CCNJL: variants seen among roughly 807,000 people sequenced by gnomAD.
CCNJL encodes the protein cyclin J like.
Under a neutral mutation model 33.4 loss-of-function variants are expected in CCNJL, and 33 were observed. The observed-to-expected ratio is 0.99, with a 90% CI of 0.75 to 1.32. The LOEUF (loss-of-function observed/expected upper bound fraction) is 1.32, where lower values mean the gene tolerates loss of function less well. CCNJL is among the 40% of genes most tolerant of loss of function. CCNJL has a pLI of 0.00. For missense variants in CCNJL, 512 were observed against 499.7 expected (o/e 1.02, Z -0.23); for synonymous variants, 227 against 220.9 (o/e 1.03, Z -0.24).
chr5:160,334,823 T>C (rs1046780736), intron 1 of CCNJL, among the ~76,000 whole-genome samples: 5 of 152,234 alleles, frequency 3.3e-5, no homozygotes, highest in African/African-American at 4.8e-5. Flanking sequence ...TTCTCTGGGC[T>C]TCCAAATCCA....
chr5:160,326,190 C>T (rs1210010076), intron 1 of CCNJL, among the ~76,000 whole-genome samples: 5 of 152,070 alleles, frequency 3.3e-5, no homozygotes, highest in Admixed American at 1.3e-4. Context: ...GCCATTATGC[C>T]GGGTGGGGTG....
Position 160,253,641 on chromosome 5 carries a change from G to C in CCNJL, c.901C>G (p.Pro301Ala), listed in dbSNP as rs1300840264. Residue 301 changes from proline to alanine, a missense_variant, in exon 6 of 6, where the codon CCC becomes GCC. Transcript: ENST00000257536. Reference protein sequence around the residue: ...PATTLAQFQTPVQDLCLAYRD... With the variant: ...PATTLAQFQTAVQDLCLAYRD... ...TAGGCCAAGCATAGGTCCTGCACGG[G>C]GGTCTGGAACTGTGCCAGGGTGGTC... is the stretch of plus-strand genomic sequence containing the variant. The C allele has an allele frequency of 6.2e-7, 1 of 1,612,810 alleles. No homozygotes were observed. Among genetic ancestry groups the C allele is most frequent in the Admixed American group, 1.7e-5 (1 of 59,942 alleles).
intron 1 of CCNJL, among the ~76,000 whole-genome samples, chr5:160,327,256 T>A (rs1049104793): frequency 6.6e-6 from 1 of 152,234 alleles, no homozygotes; most frequent in Non-Finnish European, 1.5e-5. Context: ...TACCCTTGGA[T>A]TGATGAAAGG....
chr5:160,271,023 C>T (rs1378798484), intron 3 of CCNJL, among the ~76,000 whole-genome samples: 1 of 152,180 alleles, frequency 6.6e-6, no homozygotes, highest in East Asian at 1.9e-4. Flanking sequence ...CACCACAATG[C>T]TTGTAATTAA....
chr5:160,284,255 G>C (rs1489738442), intron 2 of CCNJL, among the ~76,000 whole-genome samples: 1 of 152,074 alleles, frequency 6.6e-6, no homozygotes, highest in Non-Finnish European at 1.5e-5. Flanking sequence ...AGGAGGCTGA[G>C]GTGCAAGGAT....
intron 3 of CCNJL, among the ~76,000 whole-genome samples, chr5:160,262,174 A>C (rs1260667748): frequency 6.6e-6 from 1 of 152,204 alleles, no homozygotes; most frequent in Admixed American, 6.5e-5. Context: ...CCAGAGCAGG[A>C]GGTGGCGAGG....
rs191747315 is a variant in CCNJL at position 160,296,077 on chromosome 5, T to C, written c.67-15339A>G. 1.3e-3 allele frequency among the ~76,000 whole-genome samples: 201 copies of C among 152,316 alleles called. No homozygotes were observed. In the Middle Eastern group the frequency reaches 0.027, roughly 21 times the overall value. ...ATCCTGTAGGCAGTGGCTAGCACAG[T>C]GTGTAGCATGCAGTTGGCTGCTAAA... On this transcript the variant is annotated intron_variant, in intron 2 of 5. Coordinates refer to ENST00000257536, the MANE Select transcript of CCNJL (RefSeq NM_001308173.3).
chr5:160,282,974 T>TATATATATATATAC (rs1762269204), intron 2 of CCNJL, among the ~76,000 whole-genome samples: 1 of 45,954 alleles, frequency 2.2e-5, no homozygotes, highest in African/African-American at 1.6e-4. Context: ...GGAATATATA[T>TATATATATATATAC]ATATATATAT....
intron 1 of CCNJL, among the ~76,000 whole-genome samples, chr5:160,338,871 C>T (rs1028479903): frequency 2.6e-5 from 4 of 151,916 alleles, no homozygotes; most frequent in African/African-American, 9.7e-5. Context: ...AGCTCATTGC[C>T]ACTTCTACCT....
chr5:160,306,270 C>CAA (rs35956418), intron 2 of CCNJL, among the ~76,000 whole-genome samples: 791 of 68,196 alleles, frequency 0.012, 15 homozygotes, highest in African/African-American at 0.026. Flanking sequence ...GACTCCGTCT[C>CAA]AAAAAAAAAA....
At chr5:160,325,521 C>T (rs2113476954) in intron 1 of CCNJL, among the ~76,000 whole-genome samples, 1 of 152,346 alleles carries the variant, frequency 6.6e-6, no homozygotes, top group Non-Finnish European at 1.5e-5. Context: ...CCCAGCTGAG[C>T]ACCGTCTCCT....
intron 2 of CCNJL, among the ~76,000 whole-genome samples, chr5:160,301,737 C>CT (rs1327410011): frequency 3.3e-3 from 405 of 121,982 alleles, no homozygotes; most frequent in Middle Eastern, 0.015. Context: ...ACCCGGTCGT[C>CT]TTTTTTTTTT....
At chr5:160,320,490 A>G (rs1362631524) in intron 1 of CCNJL, among the ~76,000 whole-genome samples, 1 of 152,204 alleles carries the variant, frequency 6.6e-6, no homozygotes, top group Non-Finnish European at 1.5e-5. Context: ...TTGGAGGGAG[A>G]GAAGTATTCC....
intron 3 of CCNJL, among the ~76,000 whole-genome samples, chr5:160,270,633 C>T (rs1443129852): frequency 7.2e-5 from 11 of 152,196 alleles, no homozygotes; most frequent in Non-Finnish European, 1.5e-5. Flanking sequence ...CCCATCACCA[C>T]TGAGGCTAGG....
chr5:160,265,351 A>T lies in CCNJL; in HGVS notation c.281-5580T>A, dbSNP rs533622705. Among the ~76,000 whole-genome samples the T allele has an allele frequency of 1.3e-4, 20 of 152,302 alleles. No homozygotes were observed. In the South Asian group the frequency reaches 3.5e-3, roughly 27 times the overall value. ...TACTTTTCTTCCCTAAAGAAATGCA[A>T]TGCCGGCCAGGTGTGGTGGCTCACG... On this transcript the variant is annotated intron_variant, in intron 3 of 5. Transcript: ENST00000257536.
chr5:160,312,670 G>C (rs1328102006), upstream of CCNJL: 1 of 151,842 alleles, frequency 6.6e-6, no homozygotes, highest in Non-Finnish European at 1.5e-5. Flanking sequence ...GGGAATTGGA[G>C]CCTTTCTTTG....
intron 2 of CCNJL, among the ~76,000 whole-genome samples, chr5:160,290,844 T>C (rs1210865242): frequency 1.3e-5 from 2 of 152,016 alleles, no homozygotes; most frequent in African/African-American, 4.8e-5. Context: ...TTCCTGATCT[T>C]AGGTTGTATA....
chr5:160,324,937 C>A (rs1478930276), intron 1 of CCNJL, among the ~76,000 whole-genome samples: 1 of 152,158 alleles, frequency 6.6e-6, no homozygotes, highest in Non-Finnish European at 1.5e-5. Context: ...GCAGCCAAAC[C>A]TTTTCTCCCT....
At chr5:160,270,569 C>A (rs1156458319) in intron 3 of CCNJL, among the ~76,000 whole-genome samples, 1 of 152,042 alleles carries the variant, frequency 6.6e-6, no homozygotes, top group Admixed American at 6.6e-5. Flanking sequence ...AGAGTGAGAT[C>A]CTGCCTCAAA....
Sources: allele counts gnomAD v4.1 joint callset (sites outside exome capture counted in the v4.1 genomes callset), GRCh38; gene constraint gnomAD v4.1.1; transcripts MANE v1.5; gene names NCBI Gene and HGNC (gene_info 2026-07-23, HGNC 2026-07-21).